ERC2: variants seen among roughly 807,000 people sequenced by gnomAD.
ERC2 encodes ERC protein 2.
In ERC2, 42 loss-of-function variants were observed where a neutral mutation model predicts 114.8. That is an observed-to-expected ratio of 0.37 (90% CI 0.29 to 0.47). The LOEUF (loss-of-function observed/expected upper bound fraction) is 0.47. ERC2 is among the 20% of genes least tolerant of loss of function. The probability of loss-of-function intolerance (pLI) is 0.99; values close to 1 mark genes in which losing one functional copy is unlikely to be tolerated. For missense variants in ERC2, 939 were observed against 1,150.7 expected (o/e 0.82, Z 2.66); for synonymous variants, 454 against 425.5 (o/e 1.07, Z -0.82).
chr3:56,338,417 G>A (rs773678076), intron 2 of ERC2, among the ~76,000 whole-genome samples: 5 of 152,132 alleles, frequency 3.3e-5, no homozygotes, highest in Admixed American at 1.3e-4. Context: ...TTTCTGTACC[G>A]CCTGTCTACT....
chr3:55,840,809 T>C (rs942012804), intron 14 of ERC2, among the ~76,000 whole-genome samples: 3 of 152,228 alleles, frequency 2.0e-5, no homozygotes, highest in Admixed American at 1.3e-4. Flanking sequence ...GGTATAACTA[T>C]TGATTCATGT....
At chr3:56,343,190 T>TCACACACACACACACA (rs1181595660) in intron 2 of ERC2, among the ~76,000 whole-genome samples, 36,292 of 108,034 alleles carry the variant, frequency 0.34, 4,980 homozygotes, top group East Asian at 0.41. Flanking sequence ...TCTCTCTCTC[T>TCACACACACACACACA]CTCACACACA....
chr3:56,260,277 T>C (rs1261050322), intron 3 of ERC2, among the ~76,000 whole-genome samples: 1 of 152,180 alleles, frequency 6.6e-6, no homozygotes, highest in Non-Finnish European at 1.5e-5. Context: ...TCTCTGCCAC[T>C]GCCAAACATC....
At chr3:56,277,494 A>G (rs1157491949) in intron 3 of ERC2, among the ~76,000 whole-genome samples, 1 of 152,070 alleles carries the variant, frequency 6.6e-6, no homozygotes, top group African/African-American at 2.4e-5. Flanking sequence ...CTGTCCCCAA[A>G]GCTGAAAACT....
chr3:55,709,156 G>T (rs1221507049), intron 15 of ERC2, among the ~76,000 whole-genome samples: 1 of 152,134 alleles, frequency 6.6e-6, no homozygotes. Flanking sequence ...CTAGAAACTG[G>T]AGCGTGAACA....
intron 17 of ERC2, among the ~76,000 whole-genome samples, chr3:55,624,579 A>C (rs1575814632): frequency 6.6e-6 from 1 of 152,176 alleles, no homozygotes; most frequent in Non-Finnish European, 1.5e-5. Context: ...TGAGGTGTTA[A>C]TGCTCAGGGT....
intron 17 of ERC2, among the ~76,000 whole-genome samples, chr3:55,578,621 G>A (rs2107551452): frequency 6.6e-6 from 1 of 152,332 alleles, no homozygotes; most frequent in South Asian, 2.1e-4. Flanking sequence ...GTATTAGTTA[G>A]CTATTGCTGT....
intron 4 of ERC2, among the ~76,000 whole-genome samples, chr3:56,151,848 T>A (rs1352167088): frequency 6.6e-6 from 1 of 152,152 alleles, no homozygotes; most frequent in Non-Finnish European, 1.5e-5. Context: ...AAAAAATACA[T>A]ATATGAAGAC....
At chr3:56,102,675 T>C (rs1479268406) in intron 6 of ERC2, among the ~76,000 whole-genome samples, 2 of 152,244 alleles carry the variant, frequency 1.3e-5, no homozygotes, top group Non-Finnish European at 2.9e-5. Context: ...TTTCTATTAA[T>C]ATTATGCTCT....
chr3:55,899,401 G>C (rs925202434), intron 13 of ERC2, among the ~76,000 whole-genome samples: 1 of 151,872 alleles, frequency 6.6e-6, no homozygotes, highest in Non-Finnish European at 1.5e-5. Context: ...TATGTGTATG[G>C]ATATATTTAC....
intron 17 of ERC2, among the ~76,000 whole-genome samples, chr3:55,613,832 A>C (rs1169554313): frequency 2.0e-5 from 3 of 151,776 alleles, no homozygotes; most frequent in Non-Finnish European, 2.9e-5. Context: ...AAATACAAAA[A>C]ATCAGCTGGG....
In ERC2 at chr3:56,204,036, A is replaced by G. The variant is rs1018698313; in HGVS notation, c.1075-30516T>C. 3.3e-5 allele frequency among the ~76,000 whole-genome samples: 5 copies of G among 152,090 alleles called. No individual in the cohort carries two copies. The South Asian group carries it at 1.0e-3, about 32-fold the overall frequency. ...CTCTACTAAAAATACACACACAAAA[A>G]AAAGTTAGCCGGGCGTGGTGGCAGT... On this transcript the variant is annotated intron_variant, in intron 3 of 17. Coordinates refer to ENST00000288221, the MANE Select transcript of ERC2 (RefSeq NM_015576.3).
intron 2 of ERC2, among the ~76,000 whole-genome samples, chr3:56,369,732 A>T (rs1038720398): frequency 6.6e-6 from 1 of 150,646 alleles, no homozygotes; most frequent in Non-Finnish European, 1.5e-5. Flanking sequence ...GCTGGAGTGC[A>T]GTGGCACAAT....
intron 8 of ERC2, among the ~76,000 whole-genome samples, chr3:56,013,131 A>G (rs1227011530): frequency 1.3e-5 from 2 of 152,150 alleles, no homozygotes; most frequent in Non-Finnish European, 2.9e-5. Context: ...GTCATATTCA[A>G]TCTTAACTCA....
At chr3:55,688,597 A>G (rs950951180) in intron 16 of ERC2, among the ~76,000 whole-genome samples, 1 of 152,190 alleles carries the variant, frequency 6.6e-6, no homozygotes, top group Non-Finnish European at 1.5e-5. Flanking sequence ...GTTGAAGACC[A>G]TGGTTGGAAC....
chr3:55,529,316 T>G (rs1875110), intron 17 of ERC2, among the ~76,000 whole-genome samples: 11 of 152,218 alleles, frequency 7.2e-5, no homozygotes, highest in African/African-American at 2.7e-4. Context: ...AATTTTCCAG[T>G]GAGCTCCTGG....
chr3:56,413,043 G>A (rs1229035764), intron 2 of ERC2, among the ~76,000 whole-genome samples: 1 of 152,136 alleles, frequency 6.6e-6, no homozygotes, highest in Admixed American at 6.5e-5. Flanking sequence ...GTCCTTACTG[G>A]CCCTGATGGA....
chr3:56,338,789 G>A (rs1298974413), intron 2 of ERC2, among the ~76,000 whole-genome samples: 2 of 152,188 alleles, frequency 1.3e-5, no homozygotes, highest in East Asian at 3.8e-4. Context: ...GGACATTTAG[G>A]GAGAGAAGCA....
intron 13 of ERC2, among the ~76,000 whole-genome samples, chr3:55,913,577 G>A (rs1354627893): frequency 4.6e-5 from 7 of 151,262 alleles, no homozygotes; most frequent in Admixed American, 1.3e-4. Flanking sequence ...TTTTGCTGAC[G>A]TTATACTTAA....
Sources: gnomAD v4.1 joint callset for allele counts (sites outside exome capture counted in the v4.1 genomes callset) on GRCh38, gnomAD v4.1.1 for gene constraint, MANE v1.5 for transcripts, NCBI Gene and HGNC (gene_info 2026-07-23, HGNC 2026-07-21) for gene names.